PUM3: variants seen among roughly 807,000 people sequenced by gnomAD.
The protein encoded by PUM3 is pumilio homolog 3.
A neutral mutation model predicts 84.0 loss-of-function variants in PUM3; 91 were observed. That is an observed-to-expected ratio of 1.08 (90% CI 0.91 to 1.29). The LOEUF (loss-of-function observed/expected upper bound fraction) is 1.29. Among genes scored for constraint, PUM3 ranks in the 50% most tolerant of loss-of-function variants. The pLI is 0.00. For synonymous variants in PUM3, 321 were observed against 266.7 expected, an observed-to-expected ratio of 1.20 and a Z score of -1.98; for missense variants, 1,067 against 767.5, an observed-to-expected ratio of 1.39 and a Z score of -4.61.
At chr9:2,829,565 G>A (rs903435421) in intron 8 of PUM3, among the ~76,000 whole-genome samples, 1 of 152,038 alleles carries the variant, frequency 6.6e-6, no homozygotes, top group African/African-American at 2.4e-5. Flanking sequence ...GAATTGAAGG[G>A]GATTTAAAGC....
At chr9:2,838,228 G>T (rs1816180090) in intron 2 of PUM3, among the ~76,000 whole-genome samples, 198 bp downstream of exon 2, 2 of 152,286 alleles carry the variant, frequency 1.3e-5, no homozygotes, top group South Asian at 2.1e-4. Context: ...TCATGAATAA[G>T]GCATTCCTCA....
intron 16 of PUM3, among the ~76,000 whole-genome samples, chr9:2,809,788 T>A (rs889285885): frequency 1.3e-5 from 2 of 152,204 alleles, no homozygotes; most frequent in African/African-American, 4.8e-5. Context: ...GCTGAGTTTC[T>A]ACAGAGCAGC....
chr9:2,833,790 G>A (rs1816048775), intron 4 of PUM3, among the ~76,000 whole-genome samples: 1 of 152,196 alleles, frequency 6.6e-6, no homozygotes, highest in African/African-American at 2.4e-5. Context: ...CAGGAAGAAT[G>A]TCAAATTTAT....
chr9:2,827,045 A>T, intron 10 of PUM3, 28 bp downstream of exon 10: 1 of 1,565,098 alleles, frequency 6.4e-7, no homozygotes, highest in Non-Finnish European at 8.8e-7. Context: ...TCCATGTTTT[A>T]GTTTAAAAAC....
intron 12 of PUM3, among the ~76,000 whole-genome samples, chr9:2,822,856 A>G (rs1183159952): frequency 6.6e-6 from 1 of 151,190 alleles, no homozygotes; most frequent in Non-Finnish European, 1.5e-5. Flanking sequence ...ACTTTATTAT[A>G]GGAACGTTAG....
chr9:2,826,644 A>G (rs1487915611), intron 10 of PUM3, among the ~76,000 whole-genome samples: 2 of 152,186 alleles, frequency 1.3e-5, no homozygotes, highest in South Asian at 2.1e-4. Flanking sequence ...CTGTTCTTCT[A>G]TGATATAAAG....
chr9:2,818,008 AT>A (rs763822447), intron 13 of PUM3, among the ~76,000 whole-genome samples: 8 of 152,250 alleles, frequency 5.3e-5, no homozygotes, highest in African/African-American at 1.2e-4. Context: ...GCTCGTATCC[AT>A]TTTGAAAGGC....
chr9:2,819,251 C>T (rs1821534638), intron 13 of PUM3, among the ~76,000 whole-genome samples: 1 of 152,162 alleles, frequency 6.6e-6, no homozygotes. Context: ...GAAAAAGAGA[C>T]TATTGATGCA....
At chr9:2,823,298 C>T (rs1815714503) in intron 12 of PUM3, among the ~76,000 whole-genome samples, 1 of 151,916 alleles carries the variant, frequency 6.6e-6, no homozygotes, top group Non-Finnish European at 1.5e-5. Flanking sequence ...AATTTAACAA[C>T]TAAAAATTTC....
intron 16 of PUM3, among the ~76,000 whole-genome samples, chr9:2,809,939 T>C (rs547428092): frequency 7.4e-4 from 113 of 152,144 alleles, no homozygotes; most frequent in African/African-American, 2.7e-3. Context: ...TCTTCAAACA[T>C]AGAGATAAAT....
chr9:2,814,014 A>G (rs2129803171), intron 13 of PUM3, among the ~76,000 whole-genome samples: 1 of 135,332 alleles, frequency 7.4e-6, no homozygotes, highest in East Asian at 2.1e-4. Context: ...AAAGATTCCC[A>G]TGTAACACAT....
chr9:2,810,117 C>CG (rs373259463), intron 16 of PUM3, among the ~76,000 whole-genome samples: 5,048 of 50,932 alleles, frequency 0.099, 122 homozygotes, highest in East Asian at 0.14. Context: ...GGGGGGCTGG[C>CG]GGGGGGGGTT....
intron 12 of PUM3, among the ~76,000 whole-genome samples, chr9:2,823,343 G>GATACATTTTAATTTCTTTT (rs1815715503): frequency 6.6e-6 from 1 of 151,828 alleles, no homozygotes; most frequent in African/African-American, 2.4e-5. Context: ...TTAAAAAAAA[G>GATACATTTTAATTTCTTTT]ATACATTTTA....
chr9:2,821,960 T>G (rs1010896863), intron 12 of PUM3, among the ~76,000 whole-genome samples: 1 of 152,176 alleles, frequency 6.6e-6, no homozygotes, highest in Non-Finnish European at 1.5e-5. Context: ...GTATGTATAT[T>G]GAAATAAAAT....
chr9:2,834,279 GCTAAAAAGGGGAACATAC>G, intron 3 of PUM3, 113 bp from the exon 4 acceptor site: 1 of 859,136 alleles, frequency 1.2e-6, no homozygotes, highest in Non-Finnish European at 1.8e-6. Flanking sequence ...CATTCTGGAA[GCTAAAAAGGGGAACATAC>G]CATCCCCCAT....
intron 10 of PUM3, among the ~76,000 whole-genome samples, chr9:2,825,674 G>T (rs1815798010): frequency 6.6e-6 from 1 of 152,002 alleles, no homozygotes; most frequent in African/African-American, 2.4e-5. Flanking sequence ...TAGAGACTGG[G>T]TTTCACCATA....
intron 1 of PUM3, among the ~76,000 whole-genome samples, 162 bp downstream of exon 1, chr9:2,843,883 C>CG (rs1816335599): frequency 6.6e-6 from 1 of 152,146 alleles, no homozygotes; most frequent in Admixed American, 6.5e-5. Flanking sequence ...CGGCCAGTCC[C>CG]GCCCTTCTTG....
intron 16 of PUM3, 153 bp from the exon 17 acceptor site, chr9:2,808,057 C>T: frequency 1.7e-6 from 1 of 594,338 alleles, no homozygotes; most frequent in Non-Finnish European, 3.0e-6. Flanking sequence ...CAAAAAATTC[C>T]AGTGCAGGTT....
chr9:2,811,529 A>T lies in PUM3; in HGVS notation c.1467T>A (p.Ala489=), dbSNP rs778350349. 2 of 1,614,074 alleles carry T rather than the reference A, an allele frequency of 1.2e-6. No homozygotes were observed. Residue 489 remains alanine, a synonymous_variant, in exon 15 of 18, where the codon GCT becomes GCA. Transcript: ENST00000397885. ...CGTGTTCTTGCAGGTAGCTTAACAA[A>T]GCTGGAGAAATGGATTCTAGGAGCT... ...RRELLESISP[A]LLSYLQEHAQ... is the part of the protein sequence containing the mutation.
Sources: allele counts gnomAD v4.1 joint callset (sites outside exome capture counted in the v4.1 genomes callset), GRCh38; gene constraint gnomAD v4.1.1; transcripts MANE v1.5; gene names NCBI Gene and HGNC (gene_info 2026-07-23, HGNC 2026-07-21).